The following SSX3 variants were observed in gnomAD, a reference collection of about 807,000 sequenced individuals.
The protein encoded by SSX3 is protein SSX3.
In SSX3, 6 loss-of-function variants were observed where a neutral mutation model predicts 14.8. That is an observed-to-expected ratio of 0.41 (90% CI 0.22 to 0.80). The LOEUF (loss-of-function observed/expected upper bound fraction) is 0.80, where lower values mean the gene tolerates loss of function less well. Ranked by LOEUF, SSX3 falls within the 30% of genes least tolerant of loss-of-function variation. The probability of loss-of-function intolerance (pLI) is 0.34; values close to 1 mark genes in which losing one functional copy is unlikely to be tolerated. For synonymous variants in SSX3, 55 were observed against 52.9 expected (o/e 1.04, Z -0.18); for missense variants, 163 against 152.2 (o/e 1.07, Z -0.37).
chrX:48,348,349 G>C, intron 6 of SSX3: 1 of 516,240 alleles, frequency 1.9e-6, no homozygotes, highest in Middle Eastern at 5.2e-4. Context: ...TGCACCCATA[G>C]AATATGACAA....
At chrX:48,348,186 T>C in intron 6 of SSX3, 1 of 415,357 alleles carries the variant, frequency 2.4e-6, no homozygotes, top group Non-Finnish European at 4.2e-6. Context: ...TGCATGATAA[T>C]CACATCATGG....
intron 5 of SSX3, among the ~76,000 whole-genome samples, chrX:48,351,652 G>A (rs1186363194): frequency 8.9e-6 from 1 of 112,184 alleles, no homozygotes; most frequent in Non-Finnish European, 1.9e-5. Context: ...TCTGTACCAC[G>A]ATAGCCTCAT....
Position 48,355,175 on chromosome X carries a change from C to T in SSX3, c.69+6G>A. ...TCACTACTCTGCTCCCTCTAGGTCA[C>T]CTCACCTTTTGTATCTTCTCTGGTA... On this transcript the variant is annotated splice_donor_region_variant and intron_variant, in intron 2 of 7. Transcript: ENST00000298396. The T allele has an allele frequency of 8.3e-7, 1 of 1,210,889 alleles. No individual in the cohort carries two copies. Among genetic ancestry groups the T allele is most frequent in the Non-Finnish European group, 1.1e-6 (1 of 894,657 alleles).
At chrX:48,350,289 G>T in intron 5 of SSX3, among the ~76,000 whole-genome samples, 167 bp from the exon 6 acceptor site, 1 of 111,107 alleles carries the variant, frequency 9.0e-6, no homozygotes, top group Non-Finnish European at 1.9e-5. Flanking sequence ...GGTTAGAAGG[G>T]AAAGGAATGG....
intron 3 of SSX3, 134 bp downstream of exon 3, chrX:48,354,498 A>G (rs2061277470): frequency 1.3e-6 from 1 of 741,040 alleles, no homozygotes; most frequent in Non-Finnish European, 1.9e-6. Flanking sequence ...CAGAACACCC[A>G]GAAGCTGCCT....
Position 48,346,971 on chromosome X carries a change from G to T in SSX3, c.*69C>A. On this transcript the variant is annotated 3_prime_UTR_variant, in exon 8 of 8. Transcript: ENST00000298396. ...CTGATGACGAGGGGTCCACAGCCAT[G>T]CCCATGTTCGTGAAAGGTCACCACG... 3 of 1,197,483 alleles carry T rather than the reference G, an allele frequency of 2.5e-6. No homozygotes were observed. The highest frequency in any genetic ancestry group is 3.4e-6 in the Non-Finnish European group (3 of 894,718).
intron 2 of SSX3, 31 bp from the exon 3 acceptor site, chrX:48,354,777 G>A (rs1556950693): frequency 1.7e-6 from 2 of 1,204,494 alleles, no homozygotes; most frequent in Admixed American, 2.2e-5. Flanking sequence ...AATTATGGCA[G>A]GGACTCAGCT....
At chrX:48,350,819 G>C (rs1556949640) in intron 5 of SSX3, among the ~76,000 whole-genome samples, 1 of 101,691 alleles carries the variant, frequency 9.8e-6, no homozygotes, top group Non-Finnish European at 2.0e-5. Flanking sequence ...TCGCCAGAAT[G>C]GGGAGCCGTG....
At position 48,346,939 on chromosome X, in the gene SSX3, T is replaced by A. The variant is rs2061241727; in HGVS notation, c.*101A>T. ...GTTGTGAACACTTGCTTTCACTTGCTATGCACCTGATGACGAGGGGTCCAC... is the reference window on the plus strand; with the variant it reads ...GTTGTGAACACTTGCTTTCACTTGCAATGCACCTGATGACGAGGGGTCCAC... On this transcript the variant is annotated 3_prime_UTR_variant, in exon 8 of 8. Transcript: ENST00000298396. The A allele has an allele frequency of 8.5e-7, 1 of 1,179,548 alleles. No homozygotes were observed. The highest frequency in any genetic ancestry group is 1.8e-5 in the African/African-American group (1 of 56,316).
At chrX:48,350,493 AAGCTTGT>A (rs2061257348) in intron 5 of SSX3, among the ~76,000 whole-genome samples, 1 of 111,587 alleles carries the variant, frequency 9.0e-6, no homozygotes, top group Admixed American at 9.6e-5. Flanking sequence ...GATCCCATAT[AAGCTTGT>A]AGACAGCTGC....
intron 2 of SSX3, 28 bp from the exon 3 acceptor site, chrX:48,354,774 G>T (rs782175063): frequency 4.1e-5 from 49 of 1,199,877 alleles, no homozygotes; most frequent in Non-Finnish European, 5.0e-5. Context: ...AGGAATTATG[G>T]CAGGGACTCA....
chrX:48,349,561 C>T (rs782282232), intron 6 of SSX3: 8 of 1,209,725 alleles, frequency 6.6e-6, no homozygotes, highest in South Asian at 5.3e-5. Context: ...GGTCTGGAAC[C>T]GAACCTGCAG....
At position 48,347,567 on chromosome X, in the gene SSX3, C is replaced by T; in HGVS notation, c.504G>A (p.Leu168=). ...KRGEHAWTHR[L]RERKQLVIYE... is the part of the protein sequence containing the mutation. ...AAATCACCAGCTGCTTTCTCTCACG[C>T]AGTCTGTGGGTCCAGGCATGTTCCC... Residue 168 remains leucine (L), a synonymous_variant, in exon 7 of 8, where the codon CTG becomes CTA. Transcript: ENST00000298396. 4.1e-6 allele frequency: 5 copies of T among 1,210,187 alleles called. No homozygotes were observed. The highest frequency in any genetic ancestry group is 1.8e-5 in the South Asian group (1 of 56,903).
chrX:48,349,416 T>A, intron 6 of SSX3: 1 of 841,050 alleles, frequency 1.2e-6, no homozygotes, highest in East Asian at 3.7e-5. Context: ...TAACAATGAA[T>A]TATTTTAAAA....
intron 5 of SSX3, among the ~76,000 whole-genome samples, chrX:48,350,578 G>T (rs1210926588): frequency 9.1e-6 from 1 of 110,323 alleles, no homozygotes. Flanking sequence ...GTGGGGAGAT[G>T]AACACAAGGA....
At chrX:48,350,353 G>A (rs1333766901) in intron 5 of SSX3, among the ~76,000 whole-genome samples, 1 of 110,959 alleles carries the variant, frequency 9.0e-6, no homozygotes, top group Admixed American at 9.7e-5. Context: ...ACTCTTTTAG[G>A]ACTCACATTC....
At position 48,347,022 on chromosome X, in the gene SSX3, T is replaced by C; in HGVS notation, c.*18A>G. ...TTCTGCTTCTCATCATGGGCATGTGTCATATCCCCAAGGCTGAGGCAAGAA... is the reference window on the plus strand; with the variant it reads ...TTCTGCTTCTCATCATGGGCATGTGCCATATCCCCAAGGCTGAGGCAAGAA... On this transcript the variant is annotated 3_prime_UTR_variant, in exon 8 of 8. Transcript: ENST00000298396. 2 of 1,198,111 alleles carry C rather than the reference T, an allele frequency of 1.7e-6. No individual in the cohort carries two copies. Among genetic ancestry groups the C allele is most frequent in the Non-Finnish European group, 2.2e-6 (2 of 895,277 alleles).
intron 2 of SSX3, 118 bp downstream of exon 2, chrX:48,355,063 A>T: frequency 6.6e-6 from 8 of 1,205,362 alleles, no homozygotes; most frequent in Non-Finnish European, 9.0e-6. Flanking sequence ...CCAAGGGTCC[A>T]GATCTCCCCT....
intron 6 of SSX3, among the ~76,000 whole-genome samples, chrX:48,348,887 G>T (rs1324358714): frequency 7.1e-5 from 8 of 112,126 alleles, no homozygotes; most frequent in African/African-American, 2.6e-4. Flanking sequence ...GCTGAGAGAG[G>T]TGAAGAAGCT....
Sources: allele counts gnomAD v4.1 joint callset (sites outside exome capture counted in the v4.1 genomes callset), GRCh38; gene constraint gnomAD v4.1.1; transcripts MANE v1.5; gene names NCBI Gene and HGNC (gene_info 2026-07-23, HGNC 2026-07-21).